The following SCN7A variants were observed in gnomAD, a reference collection of about 807,000 sequenced individuals.
The protein encoded by SCN7A is sodium voltage-gated channel alpha subunit 7.
In SCN7A, 138 loss-of-function variants were observed where a neutral mutation model predicts 155.2. That is an observed-to-expected ratio of 0.89 (90% confidence interval 0.77 to 1.02). SCN7A has a LOEUF of 1.02. Among genes scored for constraint, SCN7A ranks in the 50% least tolerant of loss-of-function variants. The pLI, the probability that SCN7A is intolerant of heterozygous loss-of-function variation, is 0.00. For synonymous variants in SCN7A, 693 were observed against 649.0 expected, an observed-to-expected ratio of 1.07 and a Z score of -1.03; for missense variants, 2,058 against 1,986.6, an observed-to-expected ratio of 1.04 and a Z score of -0.68.
chr2:166,476,140 GTATAT>G (rs1264384298), intron 3 of SCN7A, among the ~76,000 whole-genome samples: 2 of 151,974 alleles, frequency 1.3e-5, no homozygotes, highest in South Asian at 2.1e-4. Context: ...GATTAAGCAT[GTATAT>G]TATAACAATG....
chr2:166,488,181 C>T (rs1301945844), intron 1 of SCN7A, among the ~76,000 whole-genome samples: 8 of 152,154 alleles, frequency 5.3e-5, no homozygotes, highest in Admixed American at 5.2e-4. Flanking sequence ...GTTTGGGCAA[C>T]TTGACTGCAC....
intron 20 of SCN7A, among the ~76,000 whole-genome samples, chr2:166,420,884 G>A (rs1327467240): frequency 6.6e-6 from 1 of 151,820 alleles, no homozygotes; most frequent in Non-Finnish European, 1.5e-5. Context: ...TTTTAAAATG[G>A]AGACAATTTT....
At chr2:166,410,114 G>T in intron 24 of SCN7A, 106 bp downstream of exon 24, 3 of 1,146,432 alleles carry the variant, frequency 2.6e-6, no homozygotes, top group Non-Finnish European at 3.6e-6. Flanking sequence ...GAAAAGCTTT[G>T]TCAAGGGACA....
rs973204169 is a variant in SCN7A at position 166,468,291 on chromosome 2, CACAA to C, written c.665-2308_665-2305del. Among the ~76,000 whole-genome samples, 31 of 152,122 alleles carry C rather than the reference CACAA, an allele frequency of 2.0e-4. No homozygotes were observed. In the East Asian group the frequency reaches 2.1e-3, roughly 10 times the overall value. On this transcript the variant is annotated intron_variant, in intron 7 of 25. Coordinates refer to ENST00000643258, the MANE Select transcript of SCN7A (RefSeq NM_002976.4). ...GGGCTTGCCAGGAAGCATAAATTCA[CACAA>C]ACAGAGAGTTGAGAGGACTCAGATG...
At chr2:166,447,092 C>T (rs1702080649) in intron 12 of SCN7A, among the ~76,000 whole-genome samples, 2 of 152,126 alleles carry the variant, frequency 1.3e-5, no homozygotes, top group South Asian at 4.1e-4. Flanking sequence ...TGAATTTCCT[C>T]TATTGTGTTC....
At chr2:166,471,927 T>C (rs1465542772) in intron 6 of SCN7A, among the ~76,000 whole-genome samples, 2 of 151,920 alleles carry the variant, frequency 1.3e-5, no homozygotes, top group South Asian at 2.1e-4. Flanking sequence ...TCGTTCTTGC[T>C]CCAAATAGAA....
intron 18 of SCN7A, among the ~76,000 whole-genome samples, chr2:166,426,000 G>A (rs1196494821): frequency 6.6e-6 from 1 of 152,030 alleles, no homozygotes; most frequent in African/African-American, 2.4e-5. Context: ...ACATCATATT[G>A]ATTCATTATA....
intron 19 of SCN7A, 63 bp downstream of exon 19, chr2:166,423,194 GAA>G: frequency 6.7e-7 from 1 of 1,484,642 alleles, no homozygotes; most frequent in Non-Finnish European, 9.2e-7. Flanking sequence ...GACAGGAAGT[GAA>G]AGAGTAAGAG....
chr2:166,456,825 T>C, intron 11 of SCN7A, 45 bp downstream of exon 11: 2 of 735,874 alleles, frequency 2.7e-6, no homozygotes, highest in Non-Finnish European at 4.2e-6. Flanking sequence ...TATATATATA[T>C]ATATAGATAG....
At position 166,441,746 on chromosome 2, in the gene SCN7A, T is replaced by C. The variant is rs567481009; in HGVS notation, c.1807A>G (p.Ile603Val). Residue 603 changes from isoleucine (I) to valine (V), a missense_variant, in exon 15 of 26, where the codon ATT (isoleucine) becomes GTT (valine). By Grantham distance (29) the Ile-to-Val change is conservative. Coordinates refer to ENST00000643258, the MANE Select transcript of SCN7A (RefSeq NM_002976.4). ...GGCCAATACTTTCCCAACTTGAAAATTCTTAACTAATAGAGCAATGTAAAA... is the reference window on the plus strand; with the variant it reads ...GGCCAATACTTTCCCAACTTGAAAACTCTTAACTAATAGAGCAATGTAAAA... The part of the protein sequence containing the change: ...ALLRLFRMLR[I>V]FKLGKYWPTF... The C allele has an allele frequency of 1.3e-6, 2 of 1,597,774 alleles. No individual in the cohort carries two copies. Among genetic ancestry groups the C allele is most frequent in the South Asian group, 1.1e-5 (1 of 88,012 alleles).
rs1702712849 is a variant in SCN7A, at chr2:166,473,778, TA to T, written c.443+20del. Reference sequence around the variant, plus strand: ...ATACAATTATATATGATATTATGTATAAAATAATTATATAACATACTCTAAT... The same window carrying T: ...ATACAATTATATATGATATTATGTATAAATAATTATATAACATACTCTAAT... On this transcript the variant is annotated intron_variant, in intron 5 of 25. Transcript: ENST00000643258. 1.2e-6 allele frequency: 1 copy of T among 841,834 alleles called. No individual in the cohort carries two copies. The highest frequency in any genetic ancestry group is 1.7e-6 in the Non-Finnish European group (1 of 588,832). The allele number at this position is 841,834 out of a possible 1,614,324, so 52.1% of individuals were successfully genotyped here. A position where few individuals can be genotyped will look rare whatever the true frequency, so the allele number is the denominator to read the frequency against.
In SCN7A at chr2:166,424,399, G is replaced by T. The variant is rs190256046; in HGVS notation, c.2854-967C>A. Among the ~76,000 whole-genome samples, 131 of 152,134 alleles carry T rather than the reference G, an allele frequency of 8.6e-4. 1 individual carries two copies. Among genetic ancestry groups the T allele is most frequent in the Middle Eastern group, 3.4e-3 (1 of 294 alleles). On this transcript the variant is annotated intron_variant, in intron 18 of 25. Transcript: ENST00000643258. ...CAAAGAACCAGAAAAACAGTACGAA[G>T]TTTAAAAAGCATTTGTTTTTAAAGG...
At chr2:166,445,727 G>A (rs1446368739) in intron 12 of SCN7A, among the ~76,000 whole-genome samples, 1 of 151,930 alleles carries the variant, frequency 6.6e-6, no homozygotes, top group Admixed American at 6.6e-5. Flanking sequence ...TGATCATGGT[G>A]GATAAGCTTT....
chr2:166,473,936 A>G (rs1380489178), intron 4 of SCN7A, 48 bp from the exon 5 acceptor site: 1 of 989,224 alleles, frequency 1.0e-6, no homozygotes, highest in South Asian at 1.6e-5. Context: ...ATTGGAAAAG[A>G]TATATTTCTA....
At chr2:166,439,333 G>T (rs1701907376) in intron 15 of SCN7A, among the ~76,000 whole-genome samples, 1 of 151,850 alleles carries the variant, frequency 6.6e-6, no homozygotes, top group Admixed American at 6.6e-5. Context: ...TTAAGAATGG[G>T]CATGTGATTC....
At chr2:166,408,189 A>G (rs1327308215) in intron 25 of SCN7A, among the ~76,000 whole-genome samples, 1 of 152,040 alleles carries the variant, frequency 6.6e-6, no homozygotes, top group Non-Finnish European at 1.5e-5. Flanking sequence ...AAGAAAAAAT[A>G]AAAGAGATTT....
At chr2:166,445,123 C>G in intron 12 of SCN7A, 123 bp from the exon 13 acceptor site, 1 of 627,594 alleles carries the variant, frequency 1.6e-6, no homozygotes, top group South Asian at 2.0e-5. Context: ...CGAGACCAGC[C>G]TGGTCAATAT....
chr2:166,470,728 AC>A (rs759217349), intron 6 of SCN7A, 22 bp from the exon 7 acceptor site: 12 of 1,574,418 alleles, frequency 7.6e-6, no homozygotes, highest in Admixed American at 1.8e-5. Flanking sequence ...AATTAGAGTT[AC>A]TTAAAAGTCA....
At chr2:166,409,013 T>C (rs1287577562) in intron 25 of SCN7A, among the ~76,000 whole-genome samples, 1 of 151,974 alleles carries the variant, frequency 6.6e-6, no homozygotes, top group Non-Finnish European at 1.5e-5. Context: ...CAGCACCCTG[T>C]GACTTCCCTA....
Sources: allele counts gnomAD v4.1 joint callset (sites outside exome capture counted in the v4.1 genomes callset), GRCh38; gene constraint gnomAD v4.1.1; transcripts MANE v1.5; gene names NCBI Gene and HGNC (gene_info 2026-07-23, HGNC 2026-07-21).